SMG6: variants seen among roughly 807,000 people sequenced by gnomAD.
SMG6 encodes SMG6 nonsense mediated mRNA decay factor.
SMG6 carries 66 observed loss-of-function variants against 142.2 expected under a neutral mutation model. The observed-to-expected ratio is 0.46, with a 90% CI of 0.38 to 0.57. The LOEUF is 0.57. Ranked by LOEUF, SMG6 falls within the 20% of genes least tolerant of loss-of-function variation. SMG6 has a pLI of 0.00. For synonymous variants in SMG6, 779 were observed against 702.4 expected, an observed-to-expected ratio of 1.11 and a Z score of -1.72; for missense variants, 1,793 against 1,832.0, an observed-to-expected ratio of 0.98 and a Z score of 0.39.
intron 9 of SMG6, among the ~76,000 whole-genome samples, chr17:2,242,525 G>A (rs935829660): frequency 2.7e-5 from 4 of 149,638 alleles, no homozygotes; most frequent in South Asian, 2.1e-4. Context: ...GCGAGACTTC[G>A]TCTCAAAAAA....
At chr17:2,279,761 G>A (rs1304703032) in intron 8 of SMG6, among the ~76,000 whole-genome samples, 1 of 152,166 alleles carries the variant, frequency 6.6e-6, no homozygotes, top group Non-Finnish European at 1.5e-5. Context: ...GTCGCTCACA[G>A]GAGAACTTCT....
chr17:2,121,924 C>T (rs930249219), intron 13 of SMG6, among the ~76,000 whole-genome samples: 4 of 152,082 alleles, frequency 2.6e-5, no homozygotes, highest in African/African-American at 9.7e-5. Flanking sequence ...CCTCTGCCCT[C>T]CTGGGTTCAA....
At chr17:2,121,211 A>C (rs1214410464) in intron 13 of SMG6, among the ~76,000 whole-genome samples, 1 of 151,980 alleles carries the variant, frequency 6.6e-6, no homozygotes, top group Admixed American at 6.6e-5. Context: ...ACAACTATTC[A>C]CAGCAACTTT....
chr17:2,173,660 T>C (rs1015519298), intron 12 of SMG6, among the ~76,000 whole-genome samples: 1 of 152,120 alleles, frequency 6.6e-6, no homozygotes, highest in African/African-American at 2.4e-5. Context: ...GCTGTCCTAA[T>C]TGCGTATCAC....
At chr17:2,206,201 A>G in intron 10 of SMG6, among the ~76,000 whole-genome samples, 1 of 152,346 alleles carries the variant, frequency 6.6e-6, no homozygotes, top group Admixed American at 6.5e-5. Flanking sequence ...ATGGTGAAAC[A>G]AAATACATAT....
chr17:2,297,459 A>T, intron 3 of SMG6, 106 bp from the exon 4 acceptor site: 1 of 811,108 alleles, frequency 1.2e-6, no homozygotes, highest in Non-Finnish European at 1.9e-6. Context: ...ATGTTCAGAC[A>T]TCCTATGAAA....
In SMG6 at chr17:2,283,572, T is replaced by A. The variant is rs2074838448; in HGVS notation, c.2448+53A>T. The A allele has an allele frequency of 4.2e-6, 6 of 1,428,124 alleles. No individual in the cohort carries two copies. In the South Asian group the frequency reaches 5.7e-5, roughly 14 times the overall value. The allele number at this position is 1,428,124 out of a possible 1,614,324, so 88.5% of individuals were successfully genotyped here. A position where few individuals can be genotyped will look rare whatever the true frequency, so the allele number is the denominator to read the frequency against. ...GCGCAGAGCTAGGGCACACCAACACTCAGGGAAATGCACTATTCGAGGAAG... is the reference window on the plus strand; with the variant it reads ...GCGCAGAGCTAGGGCACACCAACACACAGGGAAATGCACTATTCGAGGAAG... On this transcript the variant is annotated intron_variant, in intron 7 of 18. Coordinates refer to ENST00000263073, the MANE Select transcript of SMG6 (RefSeq NM_017575.5).
intron 8 of SMG6, among the ~76,000 whole-genome samples, chr17:2,249,048 CGT>C: frequency 6.6e-6 from 1 of 150,994 alleles, no homozygotes; most frequent in Non-Finnish European, 1.5e-5. Context: ...CACCACGCCC[CGT>C]TAATTTTTTT....
At chr17:2,088,685 G>A in intron 13 of SMG6, 1 of 985,470 alleles carries the variant, frequency 1.0e-6, no homozygotes, top group Non-Finnish European at 1.2e-6. Context: ...TCAAAGCTGT[G>A]TAAAGTGTAC....
intron 8 of SMG6, chr17:2,245,032 A>G: frequency 3.4e-6 from 1 of 295,804 alleles, no homozygotes; most frequent in Non-Finnish European, 6.3e-6. Flanking sequence ...CAGCTCTCTG[A>G]GGATCTAGGA....
chr17:2,277,650 T>C (rs1033394247), intron 8 of SMG6, among the ~76,000 whole-genome samples: 1 of 152,212 alleles, frequency 6.6e-6, no homozygotes, highest in Non-Finnish European at 1.5e-5. Flanking sequence ...TTTTTAGGAA[T>C]GTATATATTG....
chr17:2,231,554 A>T (rs889819249), intron 10 of SMG6, among the ~76,000 whole-genome samples: 1 of 152,016 alleles, frequency 6.6e-6, no homozygotes. Flanking sequence ...AAACTTAGCC[A>T]GGCGTGGTGG....
intron 13 of SMG6, among the ~76,000 whole-genome samples, chr17:2,171,641 T>C (rs766509143): frequency 2.0e-5 from 3 of 151,994 alleles, no homozygotes; most frequent in Non-Finnish European, 2.9e-5. Flanking sequence ...CTCAAAGTGC[T>C]GGGATTAAAG....
rs145873395 is a variant in SMG6 at position 2,292,623 on chromosome 17, G to A, written c.2266C>T (p.Leu756=). The A allele has an allele frequency of 3.1e-6, 5 of 1,595,434 alleles. No individual in the cohort carries two copies. Among genetic ancestry groups the A allele is most frequent in the Non-Finnish European group, 3.4e-6 (4 of 1,171,756 alleles). ...TTGGGAGCAATGTGCTGGGCCTTCA[G>A]GTACCAACTAGAACAGAAAAAACAG... ...ANYGKARSWY[L]KAQHIAPKNG... is the part of the protein sequence containing the mutation. Residue 756 remains leucine, a synonymous_variant, in exon 6 of 19, where the codon CTG becomes TTG. Transcript: ENST00000263073.
At chr17:2,076,104 T>A (rs537492639) in intron 15 of SMG6, among the ~76,000 whole-genome samples, 1 of 152,264 alleles carries the variant, frequency 6.6e-6, no homozygotes, top group East Asian at 1.9e-4. Flanking sequence ...TTGGACTTTA[T>A]AGCTATCCTG....
chr17:2,100,855 T>C (rs749019029), intron 13 of SMG6, among the ~76,000 whole-genome samples: 2 of 152,012 alleles, frequency 1.3e-5, no homozygotes, highest in Non-Finnish European at 2.9e-5. Context: ...CCAGAATGTA[T>C]TGCACAGGCT....
chr17:2,252,614 A>C (rs904908114), intron 8 of SMG6, among the ~76,000 whole-genome samples: 3 of 152,210 alleles, frequency 2.0e-5, no homozygotes, highest in African/African-American at 7.2e-5. Context: ...CTGTTTCTTC[A>C]ACAGTTAAAT....
chr17:2,177,078 G>A (rs1468580931), intron 12 of SMG6, among the ~76,000 whole-genome samples: 1 of 152,092 alleles, frequency 6.6e-6, no homozygotes, highest in Non-Finnish European at 1.5e-5. Flanking sequence ...TATTGACTCC[G>A]GAATCAGATT....
chr17:2,244,517 A>G, intron 9 of SMG6, 141 bp downstream of exon 9: 3 of 640,718 alleles, frequency 4.7e-6, no homozygotes, highest in East Asian at 5.5e-5. Context: ...CAGAAGATGA[A>G]GGGAAGAGAA....
Sources: gnomAD v4.1 joint callset for allele counts (sites outside exome capture counted in the v4.1 genomes callset) on GRCh38, gnomAD v4.1.1 for gene constraint, MANE v1.5 for transcripts, NCBI Gene and HGNC (gene_info 2026-07-23, HGNC 2026-07-21) for gene names.